The following RSPH14 variants were observed in gnomAD, a reference collection of about 807,000 sequenced individuals.
The protein encoded by RSPH14 is radial spoke head 14 homolog, also known as rhabdoid tumor deletion region gene 1.
In RSPH14, 20 loss-of-function variants were observed where a neutral mutation model predicts 26.7. The observed-to-expected ratio is 0.75, with a 90% CI of 0.53 to 1.09. The LOEUF (loss-of-function observed/expected upper bound fraction) is 1.09. RSPH14 is among the 50% of genes least tolerant of loss of function. RSPH14 has a pLI of 0.00. For missense variants in RSPH14, 449 were observed against 457.2 expected, an observed-to-expected ratio of 0.98 and a Z score of 0.16; for synonymous variants, 177 against 189.3, an observed-to-expected ratio of 0.93 and a Z score of 0.53.
intron 4 of RSPH14, among the ~76,000 whole-genome samples, chr22:23,117,516 C>T (rs1353416809): frequency 2.0e-5 from 3 of 152,222 alleles, no homozygotes; most frequent in South Asian, 2.1e-4. Context: ...CCTCAGCTGC[C>T]TCATGCTGGG....
At chr22:23,108,771 C>G (rs538052327) in intron 4 of RSPH14, among the ~76,000 whole-genome samples, 1 of 152,384 alleles carries the variant, frequency 6.6e-6, no homozygotes, top group South Asian at 2.1e-4. Context: ...TCCACCTGCT[C>G]TCTGGCTGGC....
intron 4 of RSPH14, among the ~76,000 whole-genome samples, chr22:23,115,250 G>T (rs906191489): frequency 6.6e-6 from 1 of 152,146 alleles, no homozygotes; most frequent in Non-Finnish European, 1.5e-5. Flanking sequence ...CAGTCCGGGG[G>T]CCCCTCACCT....
At chr22:23,125,938 T>G (rs554602568) in intron 4 of RSPH14, among the ~76,000 whole-genome samples, 18 of 152,262 alleles carry the variant, frequency 1.2e-4, no homozygotes, top group African/African-American at 4.1e-4. Context: ...CACAAGCACA[T>G]GCACACACGC....
chr22:23,167,849 T>C, the RSPH14 span, among the ~76,000 whole-genome samples: 2 of 151,830 alleles, frequency 1.3e-5, no homozygotes, highest in Admixed American at 1.3e-4. Flanking sequence ...CCTGGCTTCA[T>C]TGACTAATTC....
intron 4 of RSPH14, among the ~76,000 whole-genome samples, chr22:23,114,669 C>T (rs2069768458): frequency 6.6e-6 from 1 of 152,260 alleles, no homozygotes; most frequent in African/African-American, 2.4e-5. Flanking sequence ...TCAGCCCCCT[C>T]ACGAGGGAAG....
At chr22:23,157,714 G>T in the RSPH14 span, among the ~76,000 whole-genome samples, 3 of 152,214 alleles carry the variant, frequency 2.0e-5, no homozygotes, top group African/African-American at 7.2e-5. Flanking sequence ...GGCAGAGGGT[G>T]TCTGACGCTA....
chr22:23,081,559 T>C (rs925325085), intron 4 of RSPH14, among the ~76,000 whole-genome samples: 1 of 151,218 alleles, frequency 6.6e-6, no homozygotes, highest in Non-Finnish European at 1.5e-5. Flanking sequence ...ATCAGGTTCA[T>C]GCCTGTAATC....
intron 4 of RSPH14, among the ~76,000 whole-genome samples, chr22:23,073,080 G>A (rs2068419151): frequency 6.6e-6 from 1 of 152,244 alleles, no homozygotes. Context: ...TGGAGGCAAG[G>A]AAGGCAGCCC....
At chr22:23,074,813 C>T (rs2068470962) in intron 4 of RSPH14, among the ~76,000 whole-genome samples, 1 of 152,112 alleles carries the variant, frequency 6.6e-6, no homozygotes, top group Admixed American at 6.5e-5. Flanking sequence ...GCAGGCAGGG[C>T]ATGCCCAGGG....
In RSPH14 at chr22:23,063,806, A is replaced by G. The variant is rs2068140217; in HGVS notation, c.653+96T>C. On this transcript the variant is annotated intron_variant, in intron 5 of 6. Transcript: ENST00000216036. ...CCCTGGGCACAAGCAGGCAAGGGGA[A>G]GCAGGCCCAGGGTGGCCGCCCTTGA... 1.1e-5 allele frequency: 12 copies of G among 1,128,804 alleles called. No individual in the cohort carries two copies. In the South Asian group the frequency reaches 1.7e-4, roughly 16 times the overall value. 69.9% of individuals were successfully genotyped at this position (1,128,804 alleles called of 1,614,324 possible). A position where few individuals can be genotyped will look rare whatever the true frequency, so the allele number is the denominator to read the frequency against.
chr22:23,095,289 G>A lies in RSPH14; in HGVS notation c.422-31156C>T, dbSNP rs539406626. On this transcript the variant is annotated intron_variant, in intron 4 of 6. Transcript: ENST00000216036. ...CAGTGGGAGCCGGAGGCGGGGGGCT[G>A]CAGGGAGCACACCAGCGACCGGCCC... The A allele has an allele frequency of 7.1e-4, 153 of 215,986 alleles. 2 individuals carry two copies. In the South Asian group the frequency reaches 0.012, roughly 16 times the overall value. 13.4% of individuals were successfully genotyped at this position (215,986 alleles called of 1,614,324 possible). A position where few individuals can be genotyped will look rare whatever the true frequency, so the allele number is the denominator to read the frequency against.
intron 5 of RSPH14, among the ~76,000 whole-genome samples, chr22:23,063,304 A>G (rs1185490298): frequency 6.6e-6 from 1 of 152,170 alleles, no homozygotes; most frequent in Non-Finnish European, 1.5e-5. Context: ...GGTCTCCACT[A>G]AAGAGACATA....
chr22:23,138,706 G>A (rs2070526425), intron 3 of RSPH14, 134 bp downstream of exon 3: 1 of 705,050 alleles, frequency 1.4e-6, no homozygotes, highest in Admixed American at 2.8e-5. Context: ...GTCCTGCTCT[G>A]GCTAAATAGA....
chr22:23,145,165 C>CT, upstream of RSPH14: 1 of 598,568 alleles, frequency 1.7e-6, no homozygotes, highest in South Asian at 2.0e-5. Context: ...CCCAGCCGAG[C>CT]TGATCACCAG....
chr22:23,144,520 C>A (rs2070677187), upstream of RSPH14, among the ~76,000 whole-genome samples: 1 of 152,082 alleles, frequency 6.6e-6, no homozygotes, highest in Non-Finnish European at 1.5e-5. Flanking sequence ...CCTAAGTTCA[C>A]CCCCTAAGCC....
At chr22:23,162,460 T>C in the RSPH14 span, 2 of 361,366 alleles carry the variant, frequency 5.5e-6, no homozygotes, top group Non-Finnish European at 1.1e-5. Flanking sequence ...CCTCTCTCAT[T>C]GGCCTATACA....
chr22:23,122,672 G>A (rs1473039210), intron 4 of RSPH14: 2 of 198,576 alleles, frequency 1.0e-5, no homozygotes, highest in Non-Finnish European at 2.1e-5. Context: ...TGTGACGGGG[G>A]CTCCTGCAGA....
chr22:23,063,985 A>T lies in RSPH14; in HGVS notation c.570T>A (p.Asn190Lys). Residue 190 changes from asparagine (N) to lysine (K), a missense_variant, in exon 5 of 7, where the codon AAT (asparagine) becomes AAA (lysine). Physicochemically the swap from Asn to Lys is moderately conservative, Grantham distance 94. Transcript: ENST00000216036. ...GCTTCTGCTTCAGGACAAGCACCAC[A>T]TTGCTGCCCAGGGCCTCGGTGGCAT... is the stretch of plus-strand genomic sequence containing the variant. ...QEDATEALGS[N>K]VVLVLKQKLL... 1.2e-6 allele frequency: 2 copies of T among 1,614,034 alleles called. No individual in the cohort carries two copies. The highest frequency in any genetic ancestry group is 3.3e-4 in the Middle Eastern group (2 of 6,062).
chr22:23,169,226 G>C, the RSPH14 span, among the ~76,000 whole-genome samples: 1 of 152,230 alleles, frequency 6.6e-6, no homozygotes, highest in Non-Finnish European at 1.5e-5. Flanking sequence ...ATGGCCCTCA[G>C]ATCTTTGCTC....
Sources: gnomAD v4.1 joint callset for allele counts (sites outside exome capture counted in the v4.1 genomes callset) on GRCh38, gnomAD v4.1.1 for gene constraint, MANE v1.5 for transcripts, NCBI Gene and HGNC (gene_info 2026-07-23, HGNC 2026-07-21) for gene names.